SANBR: variants seen among roughly 807,000 people sequenced by gnomAD.
The protein encoded by SANBR is SANT and BTB domain regulator of class switch recombination.
SANBR carries 77 observed loss-of-function variants against 101.8 expected under a neutral mutation model. That is an observed-to-expected ratio of 0.76 (90% CI 0.63 to 0.91). The LOEUF is 0.91. Ranked by LOEUF, SANBR falls within the 40% of genes least tolerant of loss-of-function variation. The probability of loss-of-function intolerance (pLI) is 0.00; values close to 1 mark genes in which losing one functional copy is unlikely to be tolerated. For synonymous variants in SANBR, 279 were observed against 274.7 expected (o/e 1.02, Z -0.15); for missense variants, 875 against 853.0 (o/e 1.03, Z -0.32).
intron 8 of SANBR, 129 bp from the exon 9 acceptor site, chr2:61,088,019 CTAAAAATGTAT>C: frequency 2.0e-6 from 1 of 511,768 alleles, no homozygotes; most frequent in Non-Finnish European, 3.5e-6. Flanking sequence ...ACTTAGAACA[CTAAAAATGTAT>C]TATAAACTCC....
At position 61,092,607 on chromosome 2, in the gene SANBR, A is replaced by G; in HGVS notation, c.1212+20A>G. The G allele has an allele frequency of 6.4e-7, 1 of 1,561,776 alleles. No homozygotes were observed. The highest frequency in any genetic ancestry group is 8.7e-7 in the Non-Finnish European group (1 of 1,155,588). On this transcript the variant is annotated intron_variant, in intron 11 of 21. Coordinates refer to ENST00000402291, the MANE Select transcript of SANBR (RefSeq NM_001129993.3). ...TATCAGGTAAGATTTTTTTTTTTAA[A>G]TATCCTGCTCTGCAAATATTGAGAG...
intron 5 of SANBR, among the ~76,000 whole-genome samples, chr2:61,076,289 G>A (rs78869555): frequency 0.056 from 8,438 of 149,870 alleles, 815 homozygotes; most frequent in African/African-American, 0.2. Context: ...CACCGTGTGC[G>A]GCCATAAACT....
intron 16 of SANBR, among the ~76,000 whole-genome samples, chr2:61,114,981 A>AT (rs1238239759): frequency 6.6e-6 from 1 of 151,990 alleles, no homozygotes; most frequent in Non-Finnish European, 1.5e-5. Context: ...TTTGTTAAGG[A>AT]TTTTTTGTTT....
At chr2:61,079,309 TAAG>T (rs1351706187) in intron 6 of SANBR, among the ~76,000 whole-genome samples, 1 of 152,128 alleles carries the variant, frequency 6.6e-6, no homozygotes, top group Non-Finnish European at 1.5e-5. Flanking sequence ...ATTACTGTAA[TAAG>T]AATAATTACT....
Position 61,073,464 on chromosome 2 carries a change from A to G in SANBR, c.344A>G (p.His115Arg), listed in dbSNP as rs1559073653. 6.5e-7 allele frequency: 1 copy of G among 1,528,124 alleles called. No homozygotes were observed. The highest frequency in any genetic ancestry group is 2.3e-5 in the East Asian group (1 of 43,170). The allele number at this position is 1,528,124 out of a possible 1,614,324, so 94.7% of individuals were successfully genotyped here. Reference protein sequence around the residue: ...GHDAVSKTGRHSIASTRNCSS... With the variant: ...GHDAVSKTGRRSIASTRNCSS... ...GTTTGTTTCTGTATTTAAGGAAGAC[A>G]TAGTATAGCTTCCACAAGGAATTGT... The change falls in exon 5 of 22, where the codon CAT becomes CGT. Residue 115 changes from histidine to arginine, a missense_variant. His to Arg is a conservative substitution (Grantham distance 29, BLOSUM62 0). Coordinates refer to ENST00000402291, the MANE Select transcript of SANBR (RefSeq NM_001129993.3).
rs1683031187 is a variant in SANBR at position 61,096,366 on chromosome 2, T to C, written c.1213-1334T>C. Among the ~76,000 whole-genome samples the C allele has an allele frequency of 2.6e-5, 4 of 152,026 alleles. No individual in the cohort carries two copies. In the South Asian group the frequency reaches 8.3e-4, roughly 32 times the overall value. Reference sequence around the variant, plus strand: ...TTCAGAGCCCCATAGTATCTCTGAATCCAATAATTTTACCACTCAGAGCCT... The same window carrying C: ...TTCAGAGCCCCATAGTATCTCTGAACCCAATAATTTTACCACTCAGAGCCT... On this transcript the variant is annotated intron_variant, in intron 11 of 21. Coordinates refer to ENST00000402291, the MANE Select transcript of SANBR (RefSeq NM_001129993.3).
intron 20 of SANBR, among the ~76,000 whole-genome samples, chr2:61,130,602 T>G (rs941861333): frequency 6.6e-6 from 1 of 152,174 alleles, no homozygotes; most frequent in Non-Finnish European, 1.5e-5. Context: ...GAAAGTTGAC[T>G]TAATATCTGA....
intron 17 of SANBR, among the ~76,000 whole-genome samples, chr2:61,116,782 A>C (rs1435385954): frequency 3.3e-5 from 5 of 152,096 alleles, no homozygotes; most frequent in Admixed American, 1.3e-4. Flanking sequence ...GCTGGGCATG[A>C]TCACTCATGC....
At chr2:61,102,632 G>T (rs983274825) in intron 12 of SANBR, among the ~76,000 whole-genome samples, 1 of 151,810 alleles carries the variant, frequency 6.6e-6, no homozygotes, top group African/African-American at 2.4e-5. Context: ...CCGCCTCCTG[G>T]GCTTAAGCAA....
chr2:61,071,434 C>T (rs1681462570), intron 3 of SANBR, among the ~76,000 whole-genome samples, 172 bp from the exon 4 acceptor site: 1 of 151,898 alleles, frequency 6.6e-6, no homozygotes, highest in Admixed American at 6.6e-5. Context: ...CCTGTAATCC[C>T]AGCTACTCAG....
intron 10 of SANBR, 35 bp from the exon 11 acceptor site, chr2:61,092,429 A>G (rs750372017): frequency 1.2e-5 from 17 of 1,472,188 alleles, no homozygotes; most frequent in Non-Finnish European, 1.5e-5. Flanking sequence ...AATTGTTTAT[A>G]TCACTTGCTT....
chr2:61,100,493 G>A (rs1244178509), intron 12 of SANBR, among the ~76,000 whole-genome samples: 1 of 152,194 alleles, frequency 6.6e-6, no homozygotes, highest in South Asian at 2.1e-4. Context: ...AGGTGAGAAG[G>A]CACGGTAGGG....
chr2:61,087,089 A>G (rs1682473136), intron 8 of SANBR, among the ~76,000 whole-genome samples: 1 of 152,200 alleles, frequency 6.6e-6, no homozygotes, highest in South Asian at 2.1e-4. Context: ...CTTTAAAAAC[A>G]TCACTTAACC....
At chr2:61,077,665 A>G (rs534856342) in intron 6 of SANBR, among the ~76,000 whole-genome samples, 1 of 152,328 alleles carries the variant, frequency 6.6e-6, no homozygotes, top group South Asian at 2.1e-4. Context: ...TACTAATTTT[A>G]TTAAATCTTG....
At chr2:61,088,274 T>G in intron 9 of SANBR, 29 bp downstream of exon 9, 1 of 1,576,938 alleles carries the variant, frequency 6.3e-7, no homozygotes, top group Non-Finnish European at 8.6e-7. Context: ...TTCTTTGGTG[T>G]ACTTTATAAT....
intron 13 of SANBR, among the ~76,000 whole-genome samples, chr2:61,104,419 T>C (rs1418204608): frequency 6.8e-6 from 1 of 147,330 alleles, no homozygotes; most frequent in Non-Finnish European, 1.5e-5. Context: ...GAGGTGGAGC[T>C]GGCAGTGAGC....
At chr2:61,080,261 T>C (rs1682037577) in intron 6 of SANBR, among the ~76,000 whole-genome samples, 1 of 151,740 alleles carries the variant, frequency 6.6e-6, no homozygotes. Flanking sequence ...AATCAGTGTT[T>C]ATAAATGTAA....
At position 61,117,547 on chromosome 2, in the gene SANBR, TTTA is replaced by T; in HGVS notation, c.1939+13_1939+15del. 1.2e-6 allele frequency: 2 copies of T among 1,607,778 alleles called. No homozygotes were observed. Among genetic ancestry groups the T allele is most frequent in the South Asian group, 1.1e-5 (1 of 90,912 alleles). ...GATGCACAAAGAGAAGACGGTAAAT[TTTA>T]TTATTTGGGTAATGTACAAATTGGA... On this transcript the variant is annotated splice_region_variant and intron_variant, in intron 19 of 21. Transcript: ENST00000402291.
intron 11 of SANBR, among the ~76,000 whole-genome samples, chr2:61,096,567 CCA>C (rs1683041806): frequency 6.6e-6 from 1 of 152,106 alleles, no homozygotes; most frequent in African/African-American, 2.4e-5. Flanking sequence ...AGTGCTTGCA[CCA>C]TGTTCTTTTT....
Sources: gnomAD v4.1 joint callset for allele counts (sites outside exome capture counted in the v4.1 genomes callset) on GRCh38, gnomAD v4.1.1 for gene constraint, MANE v1.5 for transcripts, NCBI Gene and HGNC (gene_info 2026-07-23, HGNC 2026-07-21) for gene names.